MTHFD2: variants seen among roughly 807,000 people sequenced by gnomAD.
MTHFD2 encodes the protein bifunctional methylenetetrahydrofolate dehydrogenase/cyclohydrolase, mitochondrial.
Under a neutral mutation model 36.8 loss-of-function variants are expected in MTHFD2, and 26 were observed. The ratio of observed to expected loss-of-function variants is 0.71; its 90% CI spans 0.52 to 0.98. The LOEUF (loss-of-function observed/expected upper bound fraction) is 0.98, where lower values mean the gene tolerates loss of function less well. Among genes scored for constraint, MTHFD2 ranks in the 50% least tolerant of loss-of-function variants. The pLI is 0.00. For synonymous variants in MTHFD2, 164 were observed against 155.2 expected, an observed-to-expected ratio of 1.06 and a Z score of -0.42; for missense variants, 373 against 434.0, an observed-to-expected ratio of 0.86 and a Z score of 1.25.
chr2:74,199,189 A>G (rs1431983394), intron 1 of MTHFD2, among the ~76,000 whole-genome samples: 1 of 152,140 alleles, frequency 6.6e-6, no homozygotes, highest in East Asian at 1.9e-4. Flanking sequence ...CGGGGACCCT[A>G]GCGGCGGAGG....
chr2:74,203,854 T>TAGTTTAGTTGAGTTG, intron 1 of MTHFD2, among the ~76,000 whole-genome samples: 1 of 44,850 alleles, frequency 2.2e-5, no homozygotes, highest in South Asian at 5.3e-4. Flanking sequence ...TAGTTTAGTT[T>TAGTTTAGTTGAGTTG]AGTTTAGTTT....
chr2:74,200,313 A>C (rs1486886039), intron 1 of MTHFD2, among the ~76,000 whole-genome samples: 2 of 152,322 alleles, frequency 1.3e-5, no homozygotes, highest in Middle Eastern at 6.8e-3. Context: ...GAACTGGGCC[A>C]GTTTGTCTAC....
rs1694484548 is a variant in MTHFD2 at position 74,217,540 on chromosome 2, C to T, written c.*3298C>T. ...ATGGGAGTTTGACTTTGGGAATAAA[C>T]ATTGAAAATTTGCAGGGAGGACCCA... On this transcript the variant is annotated 3_prime_UTR_variant, in exon 8 of 8. Coordinates refer to ENST00000394053, the MANE Select transcript of MTHFD2 (RefSeq NM_006636.4). 6.6e-6 allele frequency: 1 copy of T among 152,144 alleles called. No individual in the cohort carries two copies. Among genetic ancestry groups the T allele is most frequent in the African/African-American group, 2.4e-5 (1 of 41,422 alleles). The allele number at this position is 152,144 out of a possible 1,614,324, so 9.4% of individuals were successfully genotyped here.
chr2:74,205,941 G>A (rs1207344117), intron 2 of MTHFD2, 52 bp downstream of exon 2: 1 of 1,538,846 alleles, frequency 6.5e-7, no homozygotes, highest in Non-Finnish European at 8.9e-7. Context: ...TTTATATGAG[G>A]CAAAGTCCAT....
intron 4 of MTHFD2, among the ~76,000 whole-genome samples, chr2:74,209,424 C>G (rs1322950367): frequency 6.6e-6 from 1 of 150,890 alleles, no homozygotes; most frequent in Non-Finnish European, 1.5e-5. Context: ...TTTTTTTTCT[C>G]GTATTTTTAG....
chr2:74,214,275 C>T lies in MTHFD2; in HGVS notation c.*33C>T, dbSNP rs1402861226. On this transcript the variant is annotated 3_prime_UTR_variant, in exon 8 of 8. Transcript: ENST00000394053. ...GTCTTCTGTGTCACAAACAGCACTC[C>T]AGGCCAGCTCAAGAAGCAAAGCAGG... The T allele has an allele frequency of 1.3e-6, 2 of 1,597,000 alleles. No homozygotes were observed. Among genetic ancestry groups the T allele is most frequent in the African/African-American group, 1.3e-5 (1 of 74,162 alleles).
rs1163804289 is a variant in MTHFD2, at chr2:74,205,907, A to G, written c.286+18A>G. ...AGTTGTGGGTATGTGTCCTTCTGAG[A>G]CCTCGACTGCGGTTCAGTTGAGGTT... is the stretch of plus-strand genomic sequence containing the variant. On this transcript the variant is annotated intron_variant, in intron 2 of 7. Coordinates refer to ENST00000394053, the MANE Select transcript of MTHFD2 (RefSeq NM_006636.4). The G allele has an allele frequency of 2.5e-6, 4 of 1,604,450 alleles. No homozygotes were observed. Among genetic ancestry groups the G allele is most frequent in the Non-Finnish European group, 2.6e-6 (3 of 1,172,934 alleles).
intron 6 of MTHFD2, 59 bp downstream of exon 6, chr2:74,211,350 C>A: frequency 8.8e-7 from 1 of 1,130,524 alleles, no homozygotes; most frequent in Admixed American, 2.0e-5. Flanking sequence ...GGTTGTACCC[C>A]TCATCTTAGA....
rs10638050 is a variant in MTHFD2 at position 74,213,270 on chromosome 2, CTTT to C, written c.890-787_890-785del. 4.1e-4 allele frequency among the ~76,000 whole-genome samples: 31 copies of C among 76,012 alleles called. 1 individual carries two copies. Among genetic ancestry groups the C allele is most frequent in the African/African-American group, 1.7e-3 (28 of 16,654 alleles). The allele number at this position is 76,012 out of a possible 152,430, so 49.9% of individuals were successfully genotyped here. On this transcript the variant is annotated intron_variant, in intron 7 of 7. Transcript: ENST00000394053. ...ATGCTGATAATCCTTTTTTTCTTTC[CTTT>C]TTTTTTTTTTTTTTTTTTTTTGAGA...
intron 7 of MTHFD2, among the ~76,000 whole-genome samples, chr2:74,213,491 G>A (rs1464294427): frequency 6.6e-6 from 1 of 151,664 alleles, no homozygotes; most frequent in African/African-American, 2.4e-5. Flanking sequence ...TGCCCAGGCT[G>A]GTTTCAAACT....
Position 74,207,718 on chromosome 2 carries a change from A to G in MTHFD2, c.301A>G (p.Thr101Ala). Residue 101 changes from threonine to alanine, a missense_variant, in exon 3 of 8, where the codon ACA becomes GCA. By Grantham distance (58) the Thr-to-Ala change is moderately conservative (BLOSUM62 0). Around this residue, in one of 2 missense-constraint regions of MTHFD2, gnomAD observed 308 missense variants for 397.8 expected, o/e 0.77. Transcript: ENST00000394053. ...TCTTATAATAGGAATCAACAGTGAG[A>G]CAATTATGAAACCAGCTTCAATTTC... is the stretch of plus-strand genomic sequence containing the variant. ...AAAVVGINSE[T>A]IMKPASISEE... 2 of 1,607,790 alleles carry G rather than the reference A, an allele frequency of 1.2e-6. No individual in the cohort carries two copies. Among genetic ancestry groups the G allele is most frequent in the East Asian group, 4.5e-5 (2 of 44,764 alleles).
At chr2:74,208,068 C>T (rs114367481) in intron 3 of MTHFD2, among the ~76,000 whole-genome samples, 135 of 152,254 alleles carry the variant, frequency 8.9e-4, no homozygotes, top group African/African-American at 3.1e-3. Flanking sequence ...CCACCATGCC[C>T]AGCTAATTTT....
chr2:74,210,784 AG>A (rs1229719887), intron 5 of MTHFD2, among the ~76,000 whole-genome samples: 1 of 85,374 alleles, frequency 1.2e-5, no homozygotes, highest in Non-Finnish European at 2.1e-5. Context: ...CCATTAAGTC[AG>A]TTTTTTTTTT....
Position 74,208,665 on chromosome 2 carries a change from A to G in MTHFD2, c.506A>G (p.Gln169Arg), listed in dbSNP as rs369334569. The stretch of plus-strand genomic sequence containing the variant: ...AATGTAGGACGAATGTGTTTGGATC[A>G]GTATTCCATGTTACCGGCTACTCCA... ...VINVGRMCLD[Q>R]YSMLPATPWG... The change falls in exon 4 of 8, where the codon CAG becomes CGG. Residue 169 changes from glutamine to arginine, a missense_variant. Transcript: ENST00000394053. 65 of 1,614,098 alleles carry G rather than the reference A, an allele frequency of 4.0e-5. No individual in the cohort carries two copies. The highest frequency in any genetic ancestry group is 6.7e-5 in the Admixed American group (4 of 59,996).
chr2:74,213,548 C>T (rs550448998), intron 7 of MTHFD2, among the ~76,000 whole-genome samples: 1 of 152,100 alleles, frequency 6.6e-6, no homozygotes, highest in Non-Finnish European at 1.5e-5. Flanking sequence ...CCTCAGCCCC[C>T]CAGAGTGCTG....
chr2:74,202,920 A>G (rs1229446000), intron 1 of MTHFD2, among the ~76,000 whole-genome samples: 3 of 152,232 alleles, frequency 2.0e-5, no homozygotes, highest in African/African-American at 7.2e-5. Context: ...TACCATGGGT[A>G]TAATTAAATG....
intron 4 of MTHFD2, 142 bp downstream of exon 4, chr2:74,208,863 C>T: frequency 1.1e-6 from 1 of 896,874 alleles, no homozygotes. Flanking sequence ...CCTCTCTTAA[C>T]AGTTTTTTTT....
Position 74,216,189 on chromosome 2 carries a change from C to G in MTHFD2, c.*1947C>G, listed in dbSNP as rs183372557. 288 of 152,278 alleles carry G rather than the reference C, an allele frequency of 1.9e-3. 2 individuals are homozygous for G. Among genetic ancestry groups the G allele is most frequent in the African/African-American group, 6.7e-3 (279 of 41,558 alleles). 9.4% of individuals were successfully genotyped at this position (152,278 alleles called of 1,614,324 possible). On this transcript the variant is annotated 3_prime_UTR_variant, in exon 8 of 8. Transcript: ENST00000394053. The stretch of plus-strand genomic sequence containing the variant: ...AGATGTTTTTGTAAGTGACGTATAG[C>G]TTATGTCTCTAATCCATGCCTGCTT...
chr2:74,202,764 G>T (rs1694068927), intron 1 of MTHFD2, among the ~76,000 whole-genome samples: 1 of 152,072 alleles, frequency 6.6e-6, no homozygotes, highest in African/African-American at 2.4e-5. Context: ...CTGACCTCAT[G>T]ATCTGCCTAC....
Sources: gnomAD v4.1 joint callset for allele counts (sites outside exome capture counted in the v4.1 genomes callset) on GRCh38, gnomAD v4.1.1 for gene constraint, gnomAD v4.1.1 regional missense constraint, MANE v1.5 for transcripts, NCBI Gene and HGNC (gene_info 2026-07-23, HGNC 2026-07-21) for gene names.